APLP2: variants seen among roughly 807,000 people sequenced by gnomAD.
APLP2 encodes amyloid beta precursor like protein 2, also known as CDEI box-binding protein.
Under a neutral mutation model 89.9 loss-of-function variants are expected in APLP2, and 53 were observed. The ratio of observed to expected loss-of-function variants is 0.59; its 90% CI spans 0.47 to 0.74. The LOEUF is 0.74. Ranked by LOEUF, APLP2 falls within the 30% of genes least tolerant of loss-of-function variation. The pLI is 0.00. For synonymous variants in APLP2, 372 were observed against 348.6 expected (o/e 1.07, Z -0.75); for missense variants, 973 against 975.9 (o/e 1.00, Z 0.04).
Position 130,079,412 on chromosome 11 carries a change from T to G in APLP2, c.105+9330T>G, listed in dbSNP as rs58208667. On this transcript the variant is annotated intron_variant, in intron 1 of 16. Coordinates refer to ENST00000338167, the MANE Select transcript of APLP2 (RefSeq NM_001142276.2). ...CTACGCCCGGCCCATGACATGTGTTTTATTTAGGCCCTCTATAATTCTGCC... is the reference window on the plus strand; with the variant it reads ...CTACGCCCGGCCCATGACATGTGTTGTATTTAGGCCCTCTATAATTCTGCC... 2.3e-3 allele frequency among the ~76,000 whole-genome samples: 357 copies of G among 152,316 alleles called. 3 individuals carry two copies. The highest frequency in any genetic ancestry group is 8.2e-3 in the African/African-American group (339 of 41,574).
chr11:130,127,024 T>C (rs567975662), intron 8 of APLP2, among the ~76,000 whole-genome samples, 194 bp downstream of exon 8: 1 of 151,534 alleles, frequency 6.6e-6, no homozygotes, highest in East Asian at 1.9e-4. Context: ...TAATATATAA[T>C]ATAATTATCC....
intron 1 of APLP2, among the ~76,000 whole-genome samples, chr11:130,085,462 C>A (rs555707580): frequency 5.3e-5 from 8 of 151,194 alleles, no homozygotes; most frequent in East Asian, 1.9e-4. Context: ...AAAAAAAAAA[C>A]CAAAAAACAA....
At chr11:130,130,888 A>G (rs1011351405) in intron 11 of APLP2, among the ~76,000 whole-genome samples, 4 of 152,176 alleles carry the variant, frequency 2.6e-5, no homozygotes, top group South Asian at 2.1e-4. Context: ...CACAGCTGCT[A>G]TGAGTGTGAA....
intron 1 of APLP2, among the ~76,000 whole-genome samples, chr11:130,081,307 ATG>A (rs1591761746): frequency 6.6e-6 from 1 of 152,190 alleles, no homozygotes; most frequent in East Asian, 1.9e-4. Flanking sequence ...ATAGGTATTC[ATG>A]CTGTGAATTT....
intron 1 of APLP2, chr11:130,100,135 T>C (rs960126924): frequency 4.6e-5 from 7 of 152,258 alleles, no homozygotes; most frequent in Admixed American, 1.3e-4. Flanking sequence ...CATTACCTTA[T>C]AGATGACGAA....
intron 1 of APLP2, among the ~76,000 whole-genome samples, chr11:130,080,697 CTT>C (rs375026553): frequency 2.5e-4 from 33 of 130,194 alleles, no homozygotes; most frequent in Admixed American, 2.3e-4. Context: ...ATTTATCTTT[CTT>C]TTTTTTTTTT....
At position 130,130,052 on chromosome 11, in the gene APLP2, C is replaced by G. The variant is rs1317744020; in HGVS notation, c.1470C>G (p.Leu490=). The G allele has an allele frequency of 6.2e-7, 1 of 1,614,076 alleles. No homozygotes were observed. Among genetic ancestry groups the G allele is most frequent in the Non-Finnish European group, 8.5e-7 (1 of 1,180,016 alleles). The stretch of plus-strand genomic sequence containing the variant: ...CTCTCTTGCAGCCTCATCGCATTCT[C>G]CAGGCCTTACGGCGTTATGTCCGTG... ...QSDPPRPHRI[L]QALRRYVRAE... is the part of the protein sequence containing the mutation. The change falls in exon 11 of 17, where the codon CTC becomes CTG. Residue 490 remains leucine, a synonymous_variant. Transcript: ENST00000338167.
At chr11:130,077,195 C>T (rs1942287608) in intron 1 of APLP2, among the ~76,000 whole-genome samples, 1 of 152,172 alleles carries the variant, frequency 6.6e-6, no homozygotes. Flanking sequence ...AAAATGGAGA[C>T]ATCTGAGACA....
At chr11:130,085,995 A>C (rs1591769741) in intron 1 of APLP2, among the ~76,000 whole-genome samples, 1 of 152,252 alleles carries the variant, frequency 6.6e-6, no homozygotes, top group Non-Finnish European at 1.5e-5. Context: ...CAATGCTGCT[A>C]TGAAAATTGG....
chr11:130,108,745 A>G (rs982195474), intron 1 of APLP2: 3 of 152,356 alleles, frequency 2.0e-5, no homozygotes, highest in Admixed American at 2.0e-4. Context: ...TGCTATAAAG[A>G]CACATGCACA....
At chr11:130,074,830 G>T (rs1035089296) in intron 1 of APLP2, among the ~76,000 whole-genome samples, 1 of 152,148 alleles carries the variant, frequency 6.6e-6, no homozygotes, top group Non-Finnish European at 1.5e-5. Flanking sequence ...ACTACTCAAA[G>T]AAAATAATGT....
At chr11:130,070,779 G>T in intron 1 of APLP2, 3 of 1,373,518 alleles carry the variant, frequency 2.2e-6, no homozygotes, top group Non-Finnish European at 2.8e-6. Context: ...GGGTTTCAGT[G>T]AGTAGGGAAG....
In APLP2 at chr11:130,133,803, T is replaced by C; in HGVS notation, c.1684+75T>C. The C allele has an allele frequency of 2.6e-6, 3 of 1,161,118 alleles. No individual in the cohort carries two copies. The South Asian group carries it at 3.7e-5, about 14-fold the overall frequency. 71.9% of individuals were successfully genotyped at this position (1,161,118 alleles called of 1,614,324 possible). A position where few individuals can be genotyped will look rare whatever the true frequency, so the allele number is the denominator to read the frequency against. Reference sequence around the variant, plus strand: ...CTCAGGAGTGAAAGCTGGGCAAGAGTAGAGAGAGATGAGCAAGCAAGGCCG... The same window carrying C: ...CTCAGGAGTGAAAGCTGGGCAAGAGCAGAGAGAGATGAGCAAGCAAGGCCG... On this transcript the variant is annotated intron_variant, in intron 12 of 16. Coordinates refer to ENST00000338167, the MANE Select transcript of APLP2 (RefSeq NM_001142276.2).
At position 130,130,106 on chromosome 11, in the gene APLP2, C is replaced by G; in HGVS notation, c.1524C>G (p.Ile508Met). The change falls in exon 11 of 17, where the codon ATC becomes ATG. Residue 508 changes from isoleucine to methionine, a missense_variant. By Grantham distance (10) the Ile-to-Met change is conservative (BLOSUM62 1). Transcript: ENST00000338167. Reference protein sequence around the residue: ...RAENKDRLHTIRHYQHVLAVD... With the variant: ...RAENKDRLHTMRHYQHVLAVD... ...AGAACAAAGATCGCTTACATACCAT[C>G]CGTCATTACCAGCATGTGTTGGCTG... is the stretch of plus-strand genomic sequence containing the variant. 6.2e-7 allele frequency: 1 copy of G among 1,614,278 alleles called. No individual in the cohort carries two copies. The highest frequency in any genetic ancestry group is 8.5e-7 in the Non-Finnish European group (1 of 1,180,044).
rs889401854 is a variant in APLP2, at chr11:130,116,931, A to C, written c.404-3775A>C. ...GATCATTTGAGATCAGGAGTTCAAG[A>C]CCAGCCTGACCAACACGGTGAAACC... is the stretch of plus-strand genomic sequence containing the variant. On this transcript the variant is annotated intron_variant, in intron 3 of 16. Coordinates refer to ENST00000338167, the MANE Select transcript of APLP2 (RefSeq NM_001142276.2). 4.0e-5 allele frequency among the ~76,000 whole-genome samples: 6 copies of C among 151,552 alleles called. No homozygotes were observed. The East Asian group carries it at 5.9e-4, about 15-fold the overall frequency.
At chr11:130,080,707 T>G (rs935499044) in intron 1 of APLP2, among the ~76,000 whole-genome samples, 17 of 150,508 alleles carry the variant, frequency 1.1e-4, no homozygotes, top group Non-Finnish European at 2.1e-4. Flanking sequence ...CTTTTTTTTT[T>G]TTTTTTTGAG....
intron 1 of APLP2, among the ~76,000 whole-genome samples, chr11:130,072,689 C>G (rs1415832113): frequency 6.6e-6 from 1 of 152,112 alleles, no homozygotes; most frequent in African/African-American, 2.4e-5. Flanking sequence ...GTTGGCCAGG[C>G]TGGTCTGGAA....
At chr11:130,105,149 A>C (rs896244050) in intron 1 of APLP2, among the ~76,000 whole-genome samples, 26 of 152,350 alleles carry the variant, frequency 1.7e-4, no homozygotes, top group Admixed American at 1.5e-3. Flanking sequence ...GTAGTATCTC[A>C]TGCTTAGGAT....
intron 1 of APLP2, among the ~76,000 whole-genome samples, chr11:130,092,662 T>C (rs1393096751): frequency 4.8e-5 from 5 of 105,226 alleles, no homozygotes; most frequent in South Asian, 3.2e-4. Context: ...ATGGCAGCAG[T>C]ACAGTCCAGC....
Sources: gnomAD v4.1 joint callset for allele counts (sites outside exome capture counted in the v4.1 genomes callset) on GRCh38, gnomAD v4.1.1 for gene constraint, MANE v1.5 for transcripts, NCBI Gene and HGNC (gene_info 2026-07-23, HGNC 2026-07-21) for gene names.